Variants in IQSEC2 observed in about 807,000 individuals in gnomAD.
IQSEC2 encodes IQ motif and SEC7 domain-containing protein 2.
Under a neutral mutation model 74.6 loss-of-function variants are expected in IQSEC2, and 6 were observed. The observed-to-expected ratio is 0.08, with a 90% CI of 0.04 to 0.16. The LOEUF (loss-of-function observed/expected upper bound fraction) is 0.16, where lower values mean the gene tolerates loss of function less well. IQSEC2 is among the 10% of genes least tolerant of loss of function. IQSEC2 has a pLI of 1.00. For missense variants in IQSEC2, 734 were observed against 1,306.2 expected (o/e 0.56, Z 6.75); for synonymous variants, 494 against 544.5 (o/e 0.91, Z 1.29).
At chrX:53,281,830 C>T (rs782079874) in intron 2 of IQSEC2, among the ~76,000 whole-genome samples, 2 of 111,979 alleles carry the variant, frequency 1.8e-5, no homozygotes, top group Non-Finnish European at 3.8e-5. Flanking sequence ...AAGTTTGTAT[C>T]GCTGGCTCTA....
Position 53,234,734 on chromosome X carries a change from G to A in IQSEC2, c.3952C>T (p.Pro1318Ser), listed in dbSNP as rs1183309229. Residue 1318 changes from proline to serine, a missense_variant, in exon 15 of 15, where the codon CCA (proline) becomes TCA (serine). Pro to Ser is a moderately conservative substitution (Grantham distance 74, BLOSUM62 -1). Coordinates refer to ENST00000642864, the MANE Select transcript of IQSEC2 (RefSeq NM_001111125.3). Reference sequence around the variant, plus strand: ...CCATGGGCGTGGAAGTGGCGATGTGGCCCCACAGGTGGGGCTGAGGCGGGA... The same window carrying A: ...CCATGGGCGTGGAAGTGGCGATGTGACCCCACAGGTGGGGCTGAGGCGGGA... ...PPPASAPPVG[P>S]HRHFHAHGPV... The A allele has an allele frequency of 1.8e-6, 2 of 1,101,641 alleles. No individual in the cohort carries two copies. Among genetic ancestry groups the A allele is most frequent in the Admixed American group, 3.0e-5 (1 of 33,021 alleles). The allele number at this position is 1,101,641 out of a possible 1,213,427, so 90.8% of individuals were successfully genotyped here. A position where few individuals can be genotyped will look rare whatever the true frequency, so the allele number is the denominator to read the frequency against.
chrX:53,266,832 C>A, intron 2 of IQSEC2: 1 of 1,059,997 alleles, frequency 9.4e-7, no homozygotes, highest in Non-Finnish European at 1.2e-6. Flanking sequence ...GGAAGGGGCA[C>A]GATGCTTGCC....
rs782352047 is a variant in IQSEC2 at position 53,266,852 on chromosome X, C to T, written c.738-10791G>A. 7.8e-5 allele frequency: 83 copies of T among 1,065,873 alleles called. No individual in the cohort carries two copies. The South Asian group carries it at 1.8e-3, about 23-fold the overall frequency. The allele number at this position is 1,065,873 out of a possible 1,213,427, so 87.8% of individuals were successfully genotyped here. ...GGGCACGATGCTTGCCCATCTGGTT[C>T]CTGAAGCAGGGGACAGGGTCCCATG... On this transcript the variant is annotated intron_variant, in intron 2 of 14. Coordinates refer to ENST00000642864, the MANE Select transcript of IQSEC2 (RefSeq NM_001111125.3).
At chrX:53,306,176 T>C (rs2075260515) in intron 1 of IQSEC2, among the ~76,000 whole-genome samples, 1 of 111,308 alleles carries the variant, frequency 9.0e-6, no homozygotes, top group South Asian at 3.7e-4. Flanking sequence ...CCCCCCCGAG[T>C]GCTTGGGGCC....
At chrX:53,235,884 C>T in intron 13 of IQSEC2, 52 bp from the exon 14 acceptor site, 1 of 1,108,258 alleles carries the variant, frequency 9.0e-7, no homozygotes, top group Non-Finnish European at 1.2e-6. Flanking sequence ...CCCCCCCTAC[C>T]CTGCTGGGCT....
At chrX:53,312,940 A>G (rs1178192947) in intron 1 of IQSEC2, among the ~76,000 whole-genome samples, 1 of 112,470 alleles carries the variant, frequency 8.9e-6, no homozygotes, top group Non-Finnish European at 1.9e-5. Context: ...TAAAAATCAC[A>G]TCGCTCCAAC....
In IQSEC2 at chrX:53,234,844, G is replaced by A; in HGVS notation, c.3842C>T (p.Pro1281Leu). The change falls in exon 15 of 15, where the codon CCC becomes CTC. Residue 1281 changes from proline to leucine, a missense_variant. By Grantham distance (98) the Pro-to-Leu change is moderately conservative. Coordinates refer to ENST00000642864, the MANE Select transcript of IQSEC2 (RefSeq NM_001111125.3). The part of the protein sequence containing the change: ...YCQGPGPAPP[P>L]YLPPQQPSLP... ...AGAGGGCTGCTGGGGTGGGAGGTAG[G>A]GTGGCGGGGCAGGGCCCGGTCCTTG... 1 of 1,140,617 alleles carries A rather than the reference G, an allele frequency of 8.8e-7. No homozygotes were observed. Among genetic ancestry groups the A allele is most frequent in the Non-Finnish European group, 1.2e-6 (1 of 857,989 alleles). 94.0% of individuals were successfully genotyped at this position (1,140,617 alleles called of 1,213,427 possible).
Position 53,321,214 on chromosome X carries a change from G to A in IQSEC2, c.-91C>T. Reference sequence around the variant, plus strand: ...CTCCCCCGGGCCCAGCCGGGGGAGGGGGCCGGCGGGACGCGAGGGCGCGCA... The same window carrying A: ...CTCCCCCGGGCCCAGCCGGGGGAGGAGGCCGGCGGGACGCGAGGGCGCGCA... On this transcript the variant is annotated 5_prime_UTR_variant, in exon 1 of 15. Coordinates refer to ENST00000642864, the MANE Select transcript of IQSEC2 (RefSeq NM_001111125.3). 1 of 533,046 alleles carries A rather than the reference G, an allele frequency of 1.9e-6. No homozygotes were observed. The highest frequency in any genetic ancestry group is 2.8e-6 in the Non-Finnish European group (1 of 353,191). The allele number at this position is 533,046 out of a possible 1,213,427, so 43.9% of individuals were successfully genotyped here.
intron 1 of IQSEC2, among the ~76,000 whole-genome samples, chrX:53,296,832 G>C (rs2075158120): frequency 9.0e-6 from 1 of 111,384 alleles, no homozygotes; most frequent in Non-Finnish European, 1.9e-5. Context: ...AAAGTGCTGG[G>C]ATTACTGCTG....
At chrX:53,257,204 T>C (rs1170168035) in intron 2 of IQSEC2, among the ~76,000 whole-genome samples, 1 of 111,862 alleles carries the variant, frequency 8.9e-6, no homozygotes, top group Non-Finnish European at 1.9e-5. Flanking sequence ...CCAGCCCCTA[T>C]TCGGCAGAGG....
At chrX:53,292,782 C>A (rs1033493457) in intron 1 of IQSEC2, among the ~76,000 whole-genome samples, 3 of 111,425 alleles carry the variant, frequency 2.7e-5, no homozygotes, top group Non-Finnish European at 5.7e-5. Context: ...CGTGTGTACA[C>A]GTGTGTGTAT....
chrX:53,237,740 T>A (rs1446982512), intron 12 of IQSEC2: 1 of 190,342 alleles, frequency 5.3e-6, no homozygotes, highest in East Asian at 1.1e-4. Context: ...TCTCATTTCA[T>A]CTCCATGACT....
At chrX:53,311,628 C>T (rs1011122622) in intron 1 of IQSEC2, among the ~76,000 whole-genome samples, 26 of 112,116 alleles carry the variant, frequency 2.3e-4, no homozygotes, top group African/African-American at 8.4e-4. Flanking sequence ...GTTTAAAATG[C>T]TACTTGGCCA....
chrX:53,313,254 G>A (rs2075338492), intron 1 of IQSEC2, among the ~76,000 whole-genome samples: 2 of 111,929 alleles, frequency 1.8e-5, no homozygotes, highest in Non-Finnish European at 3.8e-5. Flanking sequence ...TTTGAGGGAG[G>A]TAGGGGGCTG....
chrX:53,241,137 G>C (rs2074213520), intron 10 of IQSEC2, among the ~76,000 whole-genome samples: 1 of 109,143 alleles, frequency 9.2e-6, no homozygotes, highest in Admixed American at 9.7e-5. Flanking sequence ...GCAGGGTCTG[G>C]CTCTGTTGCC....
At chrX:53,298,426 A>G (rs1469776183) in intron 1 of IQSEC2, among the ~76,000 whole-genome samples, 3 of 111,862 alleles carry the variant, frequency 2.7e-5, no homozygotes, top group African/African-American at 9.7e-5. Flanking sequence ...ACACTGCTCC[A>G]TCATATCCTA....
chrX:53,320,299 C>A lies in IQSEC2; in HGVS notation c.707+118G>T, dbSNP rs180721232. The A allele has an allele frequency of 2.4e-3, 1,604 of 676,596 alleles. 16 individuals carry two copies. The African/African-American group carries it at 0.029, about 12-fold the overall frequency. The allele number at this position is 676,596 out of a possible 1,213,427, so 55.8% of individuals were successfully genotyped here. ...ATGAGGGGGACCTGGCTTCTCCTGG[C>A]GGGTTGGGACAGGAGAGGAAGACAC... On this transcript the variant is annotated intron_variant, in intron 1 of 14. Coordinates refer to ENST00000642864, the MANE Select transcript of IQSEC2 (RefSeq NM_001111125.3).
At chrX:53,237,564 T>C (rs782485203) in intron 12 of IQSEC2, 3 of 127,021 alleles carry the variant, frequency 2.4e-5, no homozygotes, top group Non-Finnish European at 4.9e-5. Context: ...TTTTCCATTA[T>C]ATATATATGA....
intron 4 of IQSEC2, among the ~76,000 whole-genome samples, chrX:53,253,765 G>C (rs2074424542): frequency 9.0e-6 from 1 of 111,189 alleles, no homozygotes; most frequent in Admixed American, 9.6e-5. Flanking sequence ...TGGGATCCTT[G>C]AGGACAAGGA....
Sources: allele counts gnomAD v4.1 joint callset (sites outside exome capture counted in the v4.1 genomes callset), GRCh38; gene constraint gnomAD v4.1.1; transcripts MANE v1.5; gene names NCBI Gene and HGNC (gene_info 2026-07-23, HGNC 2026-07-21).